GOT2: variants seen among roughly 807,000 people sequenced by gnomAD.
The protein encoded by GOT2 is glutamic-oxaloacetic transaminase 2.
Under a neutral mutation model 50.0 loss-of-function variants are expected in GOT2, and 17 were observed. The ratio of observed to expected loss-of-function variants is 0.34; its 90% CI spans 0.23 to 0.51. The LOEUF is 0.51. Among genes scored for constraint, GOT2 ranks in the 20% least tolerant of loss-of-function variants. GOT2 has a pLI of 0.97. For synonymous variants in GOT2, 172 were observed against 204.9 expected, an observed-to-expected ratio of 0.84 and a Z score of 1.37; for missense variants, 430 against 559.6, an observed-to-expected ratio of 0.77 and a Z score of 2.34.
At position 58,724,295 on chromosome 16, in the gene GOT2, T is replaced by G. The variant is rs2152096749; in HGVS notation, c.90-393A>C. On this transcript the variant is annotated intron_variant, in intron 1 of 9. Coordinates refer to ENST00000245206, the MANE Select transcript of GOT2 (RefSeq NM_002080.4). ...TGCTATTCTGACAAACTTTTTTTTTTTTTTTGAGACAGAGTCTCGCTCTGT... is the reference window on the plus strand; with the variant it reads ...TGCTATTCTGACAAACTTTTTTTTTGTTTTTGAGACAGAGTCTCGCTCTGT... 4.0e-5 allele frequency among the ~76,000 whole-genome samples: 6 copies of G among 150,986 alleles called. No individual in the cohort carries two copies. In the South Asian group the frequency reaches 1.3e-3, roughly 32 times the overall value.
rs992740978 is a variant in GOT2, at chr16:58,707,350, C to T, written c.*821G>A. ...ATTCAACAAAGGGAGGAGGTCCAAC[C>T]GGGCAGAGACAACATCCCAACTGGA... On this transcript the variant is annotated 3_prime_UTR_variant, in exon 10 of 10. Transcript: ENST00000245206. The T allele has an allele frequency of 2.0e-5, 3 of 152,166 alleles. No individual in the cohort carries two copies. The highest frequency in any genetic ancestry group is 4.4e-5 in the Non-Finnish European group (3 of 68,056). 9.4% of individuals were successfully genotyped at this position (152,166 alleles called of 1,614,324 possible). A position where few individuals can be genotyped will look rare whatever the true frequency, so the allele number is the denominator to read the frequency against.
chr16:58,709,342 AAG>A (rs1430995214), intron 9 of GOT2, 73 bp downstream of exon 9: 1 of 1,215,944 alleles, frequency 8.2e-7, no homozygotes, highest in Non-Finnish European at 1.1e-6. Context: ...AAAAAGAAAA[AAG>A]AAAAAAAAGT....
At chr16:58,726,441 C>G (rs2044784086) in intron 1 of GOT2, among the ~76,000 whole-genome samples, 1 of 151,948 alleles carries the variant, frequency 6.6e-6, no homozygotes, top group South Asian at 2.1e-4. Flanking sequence ...ACCTCGGCCC[C>G]CCAAAGTGCT....
chr16:58,721,281 G>A (rs2044737692), intron 3 of GOT2, among the ~76,000 whole-genome samples: 1 of 152,192 alleles, frequency 6.6e-6, no homozygotes, highest in Non-Finnish European at 1.5e-5. Flanking sequence ...ACGTACAAAT[G>A]CACTCACTAA....
intron 4 of GOT2, 133 bp downstream of exon 4, chr16:58,719,063 A>G: frequency 1.4e-6 from 1 of 693,948 alleles, no homozygotes; most frequent in Non-Finnish European, 2.6e-6. Context: ...TCATTTTTTC[A>G]TGAGAATAGG....
At chr16:58,719,127 T>TAC (rs2044719587) in intron 4 of GOT2, 69 bp downstream of exon 4, 1 of 1,092,344 alleles carries the variant, frequency 9.2e-7, no homozygotes, top group Non-Finnish European at 1.4e-6. Flanking sequence ...AACAGTCAAA[T>TAC]ACACACACAA....
At chr16:58,723,963 T>C (rs2044762024) in intron 1 of GOT2, 61 bp from the exon 2 acceptor site, 2 of 1,462,102 alleles carry the variant, frequency 1.4e-6, no homozygotes, top group Admixed American at 1.8e-5. Context: ...ATTTTACTTA[T>C]TTATTTATGA....
In GOT2 at chr16:58,734,222, G is replaced by A; in HGVS notation, c.7C>T (p.Leu3=). 3 of 1,327,298 alleles carry A rather than the reference G, an allele frequency of 2.3e-6. No homozygotes were observed. Among genetic ancestry groups the A allele is most frequent in the Non-Finnish European group, 1.9e-6 (2 of 1,033,028 alleles). 82.2% of individuals were successfully genotyped at this position (1,327,298 alleles called of 1,614,324 possible). MA[L]LHSGRVLPGI... The stretch of plus-strand genomic sequence containing the variant: ...GGGAGGACGCGGCCGGAGTGCAGCA[G>A]GGCCATGGTGGACCGTAGGAGGGCA... The change falls in exon 1 of 10, where the codon CTG becomes TTG. Residue 3 remains leucine (L), a synonymous_variant. Coordinates refer to ENST00000245206, the MANE Select transcript of GOT2 (RefSeq NM_002080.4).
intron 8 of GOT2, among the ~76,000 whole-genome samples, chr16:58,714,492 C>T (rs1318619238): frequency 6.7e-6 from 1 of 150,050 alleles, no homozygotes; most frequent in Non-Finnish European, 1.5e-5. Context: ...GCGGAGCTTG[C>T]AGTGAGCCGA....
chr16:58,728,697 T>C (rs549372709), intron 1 of GOT2, among the ~76,000 whole-genome samples: 2 of 152,342 alleles, frequency 1.3e-5, no homozygotes, highest in East Asian at 3.9e-4. Context: ...TTTCTTTTTT[T>C]TGAGACAGAG....
rs376789645 is a variant in GOT2 at position 58,709,583 on chromosome 16, G to A, written c.1020-16C>T. 1.9e-5 allele frequency: 31 copies of A among 1,603,138 alleles called. No individual in the cohort carries two copies. Among genetic ancestry groups the A allele is most frequent in the Non-Finnish European group, 1.8e-5 (21 of 1,170,910 alleles). On this transcript the variant is annotated splice_polypyrimidine_tract_variant and intron_variant, in intron 8 of 9. Coordinates refer to ENST00000245206, the MANE Select transcript of GOT2 (RefSeq NM_002080.4). ...TTCTTGCAGCCTGTAAAGAAACCCT[G>A]AGATGCAGCTCATTCTGCCTAAGCA...
chr16:58,729,917 ATT>A (rs879572369), intron 1 of GOT2, among the ~76,000 whole-genome samples: 6 of 151,968 alleles, frequency 3.9e-5, no homozygotes, highest in Non-Finnish European at 7.4e-5. Context: ...GGGATACTCA[ATT>A]TTTTTTTTAA....
chr16:58,727,873 A>G (rs2152098149), intron 1 of GOT2, among the ~76,000 whole-genome samples: 1 of 152,286 alleles, frequency 6.6e-6, no homozygotes, highest in African/African-American at 2.4e-5. Context: ...CCTAGTAATC[A>G]CTCATCCACT....
chr16:58,718,786 CCA>C, intron 4 of GOT2, 98 bp from the exon 5 acceptor site: 1 of 980,250 alleles, frequency 1.0e-6, no homozygotes, highest in Non-Finnish European at 1.5e-6. Context: ...CTGCTGAAAC[CCA>C]GTTTCTCTCT....
chr16:58,712,306 G>A (rs1048643954), intron 8 of GOT2, among the ~76,000 whole-genome samples: 3 of 152,288 alleles, frequency 2.0e-5, no homozygotes, highest in Middle Eastern at 3.4e-3. Context: ...GAGGTCAGGA[G>A]TTTGAGACCA....
chr16:58,711,660 C>T (rs1038900252), intron 8 of GOT2, among the ~76,000 whole-genome samples: 4 of 152,282 alleles, frequency 2.6e-5, no homozygotes, highest in South Asian at 2.1e-4. Context: ...AAATGAGAAA[C>T]GATAGCACTG....
At chr16:58,711,749 C>A (rs1435652692) in intron 8 of GOT2, among the ~76,000 whole-genome samples, 2 of 152,178 alleles carry the variant, frequency 1.3e-5, no homozygotes, top group Non-Finnish European at 2.9e-5. Flanking sequence ...AAATTTCCTA[C>A]AGTTTCCATC....
At chr16:58,733,344 T>A (rs1215323962) in intron 1 of GOT2, among the ~76,000 whole-genome samples, 2 of 152,162 alleles carry the variant, frequency 1.3e-5, no homozygotes, top group Admixed American at 1.3e-4. Flanking sequence ...CACAGTTGTA[T>A]CGTTGGCATC....
intron 1 of GOT2, among the ~76,000 whole-genome samples, chr16:58,727,637 A>T (rs1415078304): frequency 1.3e-5 from 2 of 152,150 alleles, no homozygotes; most frequent in Non-Finnish European, 2.9e-5. Flanking sequence ...CCAGGGCATT[A>T]TTATGGGATA....
Sources: gnomAD v4.1 joint callset for allele counts (sites outside exome capture counted in the v4.1 genomes callset) on GRCh38, gnomAD v4.1.1 for gene constraint, MANE v1.5 for transcripts, NCBI Gene and HGNC (gene_info 2026-07-23, HGNC 2026-07-21) for gene names.